Variants in NDFIP2 observed in about 807,000 individuals in gnomAD.
NDFIP2 encodes NEDD4 family-interacting protein 2.
A neutral mutation model predicts 36.0 loss-of-function variants in NDFIP2; 19 were observed. The observed-to-expected ratio is 0.53, with a 90% CI of 0.37 to 0.77. The LOEUF is 0.77. Among genes scored for constraint, NDFIP2 ranks in the 30% least tolerant of loss-of-function variants. NDFIP2 has a pLI of 0.00. For synonymous variants in NDFIP2, 181 were observed against 167.7 expected (o/e 1.08, Z -0.61); for missense variants, 446 against 435.8 (o/e 1.02, Z -0.21).
In NDFIP2 at chr13:79,481,243, C is replaced by T. The variant is rs2079809203; in HGVS notation, c.40C>T (p.Pro14Ser). 1 of 1,534,018 alleles carries T rather than the reference C, an allele frequency of 6.5e-7. No homozygotes were observed. Among genetic ancestry groups the T allele is most frequent in the Non-Finnish European group, 8.7e-7 (1 of 1,145,538 alleles). ...RRSQRVCASG[P>S]SMLNSARGAP... ...GAGCCAGCGAGTCTGCGCGAGCGGT[C>T]CGAGCATGCTCAATAGCGCGCGCGG... The change falls in exon 1 of 8, where the codon CCG becomes TCG. Residue 14 changes from proline (P) to serine (S), a missense_variant. Pro to Ser is a moderately conservative substitution (Grantham distance 74). Around this residue, in one of 2 missense-constraint regions of NDFIP2, gnomAD observed 369 missense variants for 304.8 expected, o/e 1.21. Coordinates refer to ENST00000218652, the MANE Select transcript of NDFIP2 (RefSeq NM_019080.3).
chr13:79,510,406 A>G (rs1457460554), intron 1 of NDFIP2, among the ~76,000 whole-genome samples: 1 of 139,808 alleles, frequency 7.2e-6, no homozygotes, highest in African/African-American at 2.7e-5. Flanking sequence ...GACCCTTTTT[A>G]CTTTTGGCTG....
At chr13:79,482,165 CTTTCTTTTTTT>C (rs1287847718) in intron 1 of NDFIP2, among the ~76,000 whole-genome samples, 10 of 58,842 alleles carry the variant, frequency 1.7e-4, no homozygotes, top group Admixed American at 3.0e-4. Flanking sequence ...TTCTTTCTTT[CTTTCTTTTTTT>C]TTTTTTTTTT....
At chr13:79,544,151 G>A (rs185440571) in intron 5 of NDFIP2, among the ~76,000 whole-genome samples, 57 of 152,168 alleles carry the variant, frequency 3.7e-4, no homozygotes, top group African/African-American at 1.3e-3. Flanking sequence ...AAAATTTCTC[G>A]TTTAGTCACA....
intron 2 of NDFIP2, among the ~76,000 whole-genome samples, chr13:79,524,231 G>A (rs1259751976): frequency 6.6e-6 from 1 of 151,938 alleles, no homozygotes; most frequent in Non-Finnish European, 1.5e-5. Flanking sequence ...CAAGCATATT[G>A]GCAAATCCTT....
At chr13:79,544,033 G>T (rs1356445395) in intron 5 of NDFIP2, among the ~76,000 whole-genome samples, 3 of 152,136 alleles carry the variant, frequency 2.0e-5, no homozygotes, top group Non-Finnish European at 4.4e-5. Context: ...TGGAAATAAT[G>T]TAATTAAAGT....
intron 1 of NDFIP2, among the ~76,000 whole-genome samples, chr13:79,489,324 C>A (rs1873135837): frequency 6.6e-6 from 1 of 152,170 alleles, no homozygotes; most frequent in African/African-American, 2.4e-5. Context: ...CCTTTGTGTG[C>A]CCTCTTGATG....
chr13:79,509,866 A>G (rs1874016117), intron 1 of NDFIP2, among the ~76,000 whole-genome samples: 2 of 152,290 alleles, frequency 1.3e-5, no homozygotes, highest in South Asian at 4.1e-4. Context: ...TAAGCAGGGC[A>G]GCTAGGCCAG....
chr13:79,502,139 A>G (rs964872224), intron 1 of NDFIP2, among the ~76,000 whole-genome samples: 3 of 152,156 alleles, frequency 2.0e-5, no homozygotes, highest in African/African-American at 7.2e-5. Flanking sequence ...AAAAAGAAAA[A>G]GAGGCGTAAA....
chr13:79,488,517 A>G (rs918994600), intron 1 of NDFIP2, among the ~76,000 whole-genome samples: 1 of 152,292 alleles, frequency 6.6e-6, no homozygotes, highest in East Asian at 1.9e-4. Flanking sequence ...AAATAAATGT[A>G]TTGGAATTGT....
At chr13:79,548,952 T>C (rs1875795492) in intron 6 of NDFIP2, among the ~76,000 whole-genome samples, 1 of 152,016 alleles carries the variant, frequency 6.6e-6, no homozygotes, top group Non-Finnish European at 1.5e-5. Context: ...TTCCCTTTTG[T>C]TTTTTACCTT....
At chr13:79,507,185 G>A (rs2140750973) in intron 1 of NDFIP2, among the ~76,000 whole-genome samples, 1 of 150,334 alleles carries the variant, frequency 6.7e-6, no homozygotes, top group Non-Finnish European at 1.5e-5. Flanking sequence ...TTTAACCTTA[G>A]TTCTATATTT....
intron 3 of NDFIP2, among the ~76,000 whole-genome samples, chr13:79,534,969 G>T (rs1043108603): frequency 2.0e-5 from 3 of 152,152 alleles, no homozygotes; most frequent in African/African-American, 7.2e-5. Context: ...AGTAAACTCC[G>T]AATTTATTTT....
intron 1 of NDFIP2, among the ~76,000 whole-genome samples, chr13:79,517,966 G>T (rs940463194): frequency 5.3e-5 from 8 of 152,120 alleles, no homozygotes; most frequent in African/African-American, 1.7e-4. Flanking sequence ...TGGAAAAGTG[G>T]TTTTCCCTTT....
intron 2 of NDFIP2, among the ~76,000 whole-genome samples, chr13:79,531,533 A>G (rs902115628): frequency 3.9e-5 from 6 of 152,224 alleles, no homozygotes; most frequent in African/African-American, 1.2e-4. Context: ...CATAGCCACC[A>G]TCATCAATGA....
chr13:79,492,932 G>C (rs1873298787), intron 1 of NDFIP2, among the ~76,000 whole-genome samples: 1 of 151,826 alleles, frequency 6.6e-6, no homozygotes, highest in South Asian at 2.1e-4. Flanking sequence ...TGTGTATTCA[G>C]ATCTATATTT....
chr13:79,551,102 G>GTAT lies in NDFIP2; in HGVS notation c.995_997dup (p.Tyr332dup). On this transcript the variant is annotated inframe_insertion, in exon 7 of 8. Coordinates refer to ENST00000218652, the MANE Select transcript of NDFIP2 (RefSeq NM_019080.3). ...GTATGGCAGCTGCTCATAGAACAAG[G>GTAT]TATTTCTTCTTATTGTAGAGGTAAG... 6.3e-7 allele frequency: 1 copy of GTAT among 1,594,994 alleles called. No individual in the cohort carries two copies. Among genetic ancestry groups the GTAT allele is most frequent in the Non-Finnish European group, 8.6e-7 (1 of 1,168,744 alleles).
rs375938709 is a variant in NDFIP2, at chr13:79,481,406, C to A, written c.203C>A (p.Thr68Lys). The change falls in exon 1 of 8, where the codon ACG (threonine) becomes AAG (lysine). Residue 68 changes from threonine (T) to lysine (K), a missense_variant. Thr to Lys is a moderately conservative substitution (Grantham distance 78). Coordinates refer to ENST00000218652, the MANE Select transcript of NDFIP2 (RefSeq NM_019080.3). ...GGCGGAAGGGGCCCTGCGGCGACGA[C>A]GTCGTCGACGGGGGTGGCCGTGGGA... ...NGGGRGPAAT[T>K]SSTGVAVGAE... 38 of 1,556,336 alleles carry A rather than the reference C, an allele frequency of 2.4e-5. No homozygotes were observed. The highest frequency in any genetic ancestry group is 3.0e-5 in the Non-Finnish European group (35 of 1,149,948).
chr13:79,519,793 GGTTT>G (rs1038773844), intron 1 of NDFIP2, among the ~76,000 whole-genome samples: 14 of 152,178 alleles, frequency 9.2e-5, no homozygotes, highest in African/African-American at 2.9e-4. Flanking sequence ...TTTTTTTGTT[GGTTT>G]GTTTGTTTTT....
intron 2 of NDFIP2, among the ~76,000 whole-genome samples, chr13:79,525,933 C>G (rs1874777137): frequency 6.6e-6 from 1 of 152,172 alleles, no homozygotes; most frequent in Non-Finnish European, 1.5e-5. Flanking sequence ...TCTCCATGTT[C>G]TGAAATACAC....
Sources: gnomAD v4.1 joint callset for allele counts (sites outside exome capture counted in the v4.1 genomes callset) on GRCh38, gnomAD v4.1.1 for gene constraint, gnomAD v4.1.1 regional missense constraint, MANE v1.5 for transcripts, NCBI Gene and HGNC (gene_info 2026-07-23, HGNC 2026-07-21) for gene names.